Variants in FRY observed in about 807,000 individuals in gnomAD.
The protein encoded by FRY is protein furry homolog.
In FRY, 128 loss-of-function variants were observed where a neutral mutation model predicts 348.4. The ratio of observed to expected loss-of-function variants is 0.37; its 90% CI spans 0.32 to 0.43. The LOEUF is 0.43. Among genes scored for constraint, FRY ranks in the 20% least tolerant of loss-of-function variants. The probability of loss-of-function intolerance (pLI) is 1.00; values close to 1 mark genes in which losing one functional copy is unlikely to be tolerated. For synonymous variants in FRY, 1,370 were observed against 1,374.7 expected (o/e 1.00, Z 0.08); for missense variants, 2,736 against 3,695.2 (o/e 0.74, Z 6.73).
chr13:32,050,784 C>A (rs1291991450), intron 1 of FRY, among the ~76,000 whole-genome samples: 1 of 152,174 alleles, frequency 6.6e-6, no homozygotes, highest in African/African-American at 2.4e-5. Flanking sequence ...ATGATGGCAT[C>A]ACATCAGTCA....
intron 24 of FRY, 41 bp downstream of exon 24, chr13:32,183,075 G>A: frequency 8.2e-7 from 1 of 1,226,280 alleles, no homozygotes; most frequent in Non-Finnish European, 1.2e-6. Context: ...TGGTTTTTTG[G>A]ACAATCATCT....
chr13:32,182,031 G>A (rs950716020), intron 23 of FRY, among the ~76,000 whole-genome samples: 21 of 152,246 alleles, frequency 1.4e-4, no homozygotes, highest in Non-Finnish European at 1.2e-4. Flanking sequence ...TCTGTCTCTC[G>A]ATATGGAATG....
intron 55 of FRY, among the ~76,000 whole-genome samples, chr13:32,269,514 A>G (rs1437173009): frequency 2.0e-5 from 3 of 152,148 alleles, no homozygotes; most frequent in Non-Finnish European, 2.9e-5. Context: ...AACATGGTGA[A>G]ACCCCATCTC....
At chr13:32,294,751 G>C (rs929901096) in intron 60 of FRY, among the ~76,000 whole-genome samples, 181 bp downstream of exon 60, 4 of 152,206 alleles carry the variant, frequency 2.6e-5, no homozygotes, top group African/African-American at 9.7e-5. Flanking sequence ...GAAAGTGTTG[G>C]TGTTGGTTCT....
chr13:32,276,551 GC>G lies in FRY; in HGVS notation c.8376del (p.Thr2793HisfsTer20). The G allele has an allele frequency of 6.4e-7, 1 of 1,557,862 alleles. No homozygotes were observed. The highest frequency in any genetic ancestry group is 8.9e-7 in the Non-Finnish European group (1 of 1,128,740). On this transcript the variant is annotated frameshift_variant, in exon 57 of 61. Coordinates refer to ENST00000542859, the MANE Select transcript of FRY (RefSeq NM_023037.3). LOFTEE classifies it high-confidence loss of function. ...GGATACCTACAACAACAGGAAAGAGGCCACACTCTCTGTAAGCTTTTGTGTT... is the reference window on the plus strand; with the variant it reads ...GGATACCTACAACAACAGGAAAGAGGCACACTCTCTGTAAGCTTTTGTGTT... Reference protein sequence around the residue: ...YLDTYNNRKEATLSWLANCKA... With the variant: ...YLDTYNNRKEXTLSWLANCKA...
At chr13:32,270,936 C>T (rs116249286) in intron 55 of FRY, among the ~76,000 whole-genome samples, 232 of 152,350 alleles carry the variant, frequency 1.5e-3, no homozygotes, top group African/African-American at 5.3e-3. Context: ...CTTAAACACA[C>T]AGCTTCTAAC....
At chr13:32,164,628 A>T (rs762712035) in intron 17 of FRY, among the ~76,000 whole-genome samples, 1 of 152,214 alleles carries the variant, frequency 6.6e-6, no homozygotes, top group Non-Finnish European at 1.5e-5. Context: ...AATATGGCCA[A>T]GTGTGAGAAC....
At chr13:32,162,283 G>T (rs1399046967) in intron 17 of FRY, among the ~76,000 whole-genome samples, 2 of 152,172 alleles carry the variant, frequency 1.3e-5, no homozygotes, top group Non-Finnish European at 2.9e-5. Flanking sequence ...CATGCTGACT[G>T]AATGAATGAT....
intron 1 of FRY, among the ~76,000 whole-genome samples, chr13:32,050,011 A>G (rs1249835682): frequency 6.6e-6 from 1 of 152,220 alleles, no homozygotes; most frequent in Non-Finnish European, 1.5e-5. Flanking sequence ...TTCTCTCTTG[A>G]CGATACTCAA....
intron 4 of FRY, among the ~76,000 whole-genome samples, chr13:32,123,136 A>G (rs534163303): frequency 2.6e-5 from 4 of 152,316 alleles, no homozygotes; most frequent in Admixed American, 6.5e-5. Flanking sequence ...TACTAATTCA[A>G]TGCAATCCCC....
chr13:32,158,232 A>G (rs1410885201), intron 16 of FRY, among the ~76,000 whole-genome samples: 3 of 152,226 alleles, frequency 2.0e-5, no homozygotes, highest in Non-Finnish European at 2.9e-5. Context: ...GTAGAATCTA[A>G]AGTTAAAATA....
intron 22 of FRY, 79 bp from the exon 23 acceptor site, chr13:32,179,594 TTA>T: frequency 6.9e-7 from 1 of 1,458,416 alleles, no homozygotes; most frequent in Non-Finnish European, 9.6e-7. Context: ...TTTGAAACTG[TTA>T]TAATGGGATC....
chr13:32,209,163 A>G, intron 32 of FRY, 54 bp downstream of exon 32: 1 of 1,605,012 alleles, frequency 6.2e-7, no homozygotes. Context: ...TCAGAAAAAA[A>G]CCCTGGGTTA....
intron 11 of FRY, among the ~76,000 whole-genome samples, chr13:32,141,572 T>G (rs981127517): frequency 6.6e-6 from 1 of 152,202 alleles, no homozygotes; most frequent in African/African-American, 2.4e-5. Flanking sequence ...AAGCCCACTT[T>G]CTGAGGTTCT....
At chr13:32,171,332 G>A in intron 18 of FRY, 62 bp downstream of exon 18, 2 of 831,222 alleles carry the variant, frequency 2.4e-6, no homozygotes, top group Non-Finnish European at 3.4e-6. Flanking sequence ...TTTTTTTTTT[G>A]AGACAGTCTT....
At position 32,044,667 on chromosome 13, in the gene FRY, C is replaced by A. The variant is rs1167621725; in HGVS notation, c.70+12802C>A. Among the ~76,000 whole-genome samples, 3 of 152,210 alleles carry A rather than the reference C, an allele frequency of 2.0e-5. No individual in the cohort carries two copies. In the South Asian group the frequency reaches 6.2e-4, roughly 32 times the overall value. On this transcript the variant is annotated intron_variant, in intron 1 of 60. Transcript: ENST00000542859. ...TTCCCACCAAAACATCTGAAAGAGC[C>A]AGATGCTTGCTTGCTTGGCCTTCAG...
At chr13:32,199,396 A>G (rs1356958403) in intron 29 of FRY, among the ~76,000 whole-genome samples, 2 of 152,230 alleles carry the variant, frequency 1.3e-5, no homozygotes, top group Non-Finnish European at 2.9e-5. Flanking sequence ...TGAGCCTTAT[A>G]GTTCAGTGAA....
intron 55 of FRY, among the ~76,000 whole-genome samples, chr13:32,273,924 A>C (rs1159344956): frequency 1.3e-5 from 2 of 152,220 alleles, no homozygotes. Flanking sequence ...AAATGCTCTA[A>C]AATCTGAAAC....
intron 14 of FRY, among the ~76,000 whole-genome samples, chr13:32,150,086 G>A (rs551462494): frequency 7.5e-4 from 114 of 152,254 alleles, no homozygotes; most frequent in Non-Finnish European, 1.3e-3. Context: ...AGTAATTCTT[G>A]CCCAAAAAGA....
Sources: gnomAD v4.1 joint callset for allele counts (sites outside exome capture counted in the v4.1 genomes callset) on GRCh38, gnomAD v4.1.1 for gene constraint, MANE v1.5 for transcripts, NCBI Gene and HGNC (gene_info 2026-07-23, HGNC 2026-07-21) for gene names.